The following MBP variants were observed in gnomAD, a reference collection of about 807,000 sequenced individuals.
MBP encodes myelin basic protein.
In MBP, 16 loss-of-function variants were observed where a neutral mutation model predicts 35.8. The observed-to-expected ratio is 0.45, with a 90% confidence interval of 0.30 to 0.68. MBP has a LOEUF of 0.68. MBP is among the 30% of genes least tolerant of loss of function. MBP has a pLI of 0.08. For missense variants in MBP, 380 were observed against 404.7 expected (o/e 0.94, Z 0.52); for synonymous variants, 143 against 159.6 (o/e 0.90, Z 0.78).
chr18:77,063,465 T>C (rs1194678902), intron 3 of MBP, among the ~76,000 whole-genome samples: 2 of 152,144 alleles, frequency 1.3e-5, no homozygotes. Flanking sequence ...TGACTCAACC[T>C]GAATCAGGCA....
chr18:77,024,650 G>A lies in MBP; in HGVS notation c.140-7382C>T, dbSNP rs575901687. ...GAGCAAATCAAAGCATGTGGGCGACGGAGAATCGGCCGTCGTGGCAGCGCC... is the reference window on the plus strand; with the variant it reads ...GAGCAAATCAAAGCATGTGGGCGACAGAGAATCGGCCGTCGTGGCAGCGCC... On this transcript the variant is annotated intron_variant, in intron 3 of 8. Coordinates refer to ENST00000355994, the MANE Select transcript of MBP (RefSeq NM_001025101.2). Among the ~76,000 whole-genome samples the A allele has an allele frequency of 1.0e-3, 155 of 152,322 alleles. 1 individual carries two copies. Among genetic ancestry groups the A allele is most frequent in the African/African-American group, 3.5e-3 (144 of 41,578 alleles).
intron 7 of MBP, chr18:76,987,858 G>T (rs1969646552): frequency 8.7e-6 from 9 of 1,038,972 alleles, no homozygotes; most frequent in Non-Finnish European, 1.0e-5. Context: ...TCACTAGAAA[G>T]TTCAAATTGG....
At chr18:77,053,979 C>T (rs528097657) in intron 3 of MBP, among the ~76,000 whole-genome samples, 1 of 152,364 alleles carries the variant, frequency 6.6e-6, no homozygotes, top group Non-Finnish European at 1.5e-5. Flanking sequence ...CCTTCTTCCT[C>T]TTGGCCCCCT....
chr18:77,002,597 T>C (rs568955639), intron 4 of MBP, among the ~76,000 whole-genome samples: 1 of 152,330 alleles, frequency 6.6e-6, no homozygotes, highest in South Asian at 2.1e-4. Flanking sequence ...AAACCAAAAA[T>C]ATCATTCAGC....
At chr18:77,116,530 G>A (rs1267807819) in intron 1 of MBP, among the ~76,000 whole-genome samples, 1 of 152,200 alleles carries the variant, frequency 6.6e-6, no homozygotes, top group Non-Finnish European at 1.5e-5. Context: ...TGGGCTAGGT[G>A]CTCATGCAAC....
At chr18:77,015,643 T>G (rs1971583998) in intron 4 of MBP, 1 of 985,318 alleles carries the variant, frequency 1.0e-6, no homozygotes, top group Non-Finnish European at 1.2e-6. Flanking sequence ...GTAGAGATGT[T>G]AACAGTTGCC....
At chr18:77,086,504 A>G (rs375498469) in intron 2 of MBP, among the ~76,000 whole-genome samples, 4 of 152,348 alleles carry the variant, frequency 2.6e-5, no homozygotes, top group African/African-American at 7.2e-5. Context: ...TTACACGAAG[A>G]TGCAAGTCAT....
chr18:77,038,135 A>G (rs1389037050), intron 3 of MBP, among the ~76,000 whole-genome samples: 2 of 152,228 alleles, frequency 1.3e-5, no homozygotes, highest in Admixed American at 6.5e-5. Context: ...GGATCAATAC[A>G]CTGAAAGACG....
chr18:77,092,005 G>A (rs1467874924), intron 2 of MBP, among the ~76,000 whole-genome samples: 1 of 152,210 alleles, frequency 6.6e-6, no homozygotes, highest in African/African-American at 2.4e-5. Flanking sequence ...CATTCTGAAA[G>A]CTGGATTTTT....
At chr18:76,994,074 C>G (rs1446838528) in intron 4 of MBP, among the ~76,000 whole-genome samples, 1 of 152,170 alleles carries the variant, frequency 6.6e-6, no homozygotes, top group Non-Finnish European at 1.5e-5. Context: ...CTTGTACGTT[C>G]TTCTCCTCCA....
At chr18:77,039,257 A>G (rs1972890305) in intron 3 of MBP, among the ~76,000 whole-genome samples, 1 of 152,184 alleles carries the variant, frequency 6.6e-6, no homozygotes, top group Non-Finnish European at 1.5e-5. Context: ...GACTTCTGTG[A>G]TCTATAAAAT....
chr18:77,081,991 A>G (rs1974960259), intron 2 of MBP, among the ~76,000 whole-genome samples: 1 of 151,604 alleles, frequency 6.6e-6, no homozygotes, highest in Admixed American at 6.6e-5. Context: ...AGCTGGGACT[A>G]CAGGTGCCCG....
chr18:77,021,738 C>A (rs1218649178), intron 3 of MBP, among the ~76,000 whole-genome samples: 2 of 152,170 alleles, frequency 1.3e-5, no homozygotes, highest in Non-Finnish European at 2.9e-5. Flanking sequence ...CTGCCTCGGC[C>A]CCGCAAAGTG....
chr18:76,980,329 T>A lies in MBP; in HGVS notation c.*98A>T. 1 of 1,105,550 alleles carries A rather than the reference T, an allele frequency of 9.0e-7. No homozygotes were observed. Among genetic ancestry groups the A allele is most frequent in the Non-Finnish European group, 1.4e-6 (1 of 715,628 alleles). 68.5% of individuals were successfully genotyped at this position (1,105,550 alleles called of 1,614,324 possible). The stretch of plus-strand genomic sequence containing the variant: ...AACTCCGCAGGCATTAGGGGAGGGG[T>A]CATCTGCTCTAATTAGGTAACAGGG... On this transcript the variant is annotated 3_prime_UTR_variant, in exon 9 of 9. Transcript: ENST00000355994.
intron 4 of MBP, chr18:77,005,642 T>A (rs1970920932): frequency 6.6e-6 from 1 of 152,282 alleles, no homozygotes; most frequent in Non-Finnish European, 1.5e-5. Flanking sequence ...CAGGGATTGA[T>A]ATGAGGTTCA....
chr18:77,124,293 T>C (rs537675588), intron 1 of MBP, among the ~76,000 whole-genome samples: 18 of 152,262 alleles, frequency 1.2e-4, no homozygotes, highest in Non-Finnish European at 2.5e-4. Context: ...GGTAATTTGG[T>C]TAATCACTTA....
intron 2 of MBP, among the ~76,000 whole-genome samples, chr18:77,070,697 C>T (rs12456475): frequency 0.17 from 26,070 of 152,112 alleles, 2,821 homozygotes; most frequent in South Asian, 0.29. Context: ...TGGCCCTGCA[C>T]GGGGCTCTGG....
chr18:76,997,764 G>T lies in MBP; in HGVS notation c.577-7704C>A, dbSNP rs1045544092. On this transcript the variant is annotated intron_variant, in intron 4 of 8. Coordinates refer to ENST00000355994, the MANE Select transcript of MBP (RefSeq NM_001025101.2). The stretch of plus-strand genomic sequence containing the variant: ...GTGGCGCGACCTCGGCTCACTGCAA[G>T]CTCCGCCTCCCGGGTTCACGCCACT... Among the ~76,000 whole-genome samples the T allele has an allele frequency of 4.6e-5, 7 of 150,760 alleles. No individual in the cohort carries two copies. In the East Asian group the frequency reaches 1.2e-3, roughly 25 times the overall value.
intron 4 of MBP, 140 bp downstream of exon 4, chr18:77,016,692 A>G: frequency 1.4e-6 from 2 of 1,450,320 alleles, no homozygotes; most frequent in South Asian, 2.9e-5. Flanking sequence ...TTGGGCTCAT[A>G]TGCATTCTCC....
Sources: gnomAD v4.1 joint callset for allele counts (sites outside exome capture counted in the v4.1 genomes callset) on GRCh38, gnomAD v4.1.1 for gene constraint, MANE v1.5 for transcripts, NCBI Gene and HGNC (gene_info 2026-07-23, HGNC 2026-07-21) for gene names.